The following LPP variants were observed in gnomAD, a reference collection of about 807,000 sequenced individuals.
LPP encodes lipoma-preferred partner.
LPP carries 38 observed loss-of-function variants against 60.4 expected under a neutral mutation model. The ratio of observed to expected loss-of-function variants is 0.63; its 90% CI spans 0.49 to 0.83. LPP has a LOEUF of 0.83. Among genes scored for constraint, LPP ranks in the 40% least tolerant of loss-of-function variants. The probability of loss-of-function intolerance (pLI) is 0.00; values close to 1 mark genes in which losing one functional copy is unlikely to be tolerated. For synonymous variants in LPP, 328 were observed against 290.8 expected, an observed-to-expected ratio of 1.13 and a Z score of -1.30; for missense variants, 902 against 783.6, an observed-to-expected ratio of 1.15 and a Z score of -1.80.
At chr3:188,657,258 G>GTGTATATATATATATATATATATATATA (rs1553782707) in intron 7 of LPP, among the ~76,000 whole-genome samples, 4 of 89,834 alleles carry the variant, frequency 4.5e-5, no homozygotes, top group South Asian at 4.6e-4. Flanking sequence ...CTGTCAAGGT[G>GTGTATATATATATATATATATATATATA]TATATATATA....
chr3:188,555,529 T>C (rs1042910986), intron 6 of LPP, among the ~76,000 whole-genome samples: 1 of 152,016 alleles, frequency 6.6e-6, no homozygotes, highest in Non-Finnish European at 1.5e-5. Flanking sequence ...TATATTTCCA[T>C]TGCAGCCTCA....
At chr3:188,457,380 C>T (rs1038623766) in intron 4 of LPP, among the ~76,000 whole-genome samples, 1 of 152,168 alleles carries the variant, frequency 6.6e-6, no homozygotes, top group African/African-American at 2.4e-5. Flanking sequence ...TATTGAGATA[C>T]TGGGACATCT....
intron 9 of LPP, among the ~76,000 whole-genome samples, chr3:188,840,471 A>G (rs961775133): frequency 1.3e-5 from 2 of 152,090 alleles, no homozygotes; most frequent in Non-Finnish European, 1.5e-5. Flanking sequence ...CTTCTACCAT[A>G]TTGTTTAGCT....
chr3:188,821,493 C>T (rs1053888023), intron 9 of LPP, among the ~76,000 whole-genome samples: 11 of 151,650 alleles, frequency 7.3e-5, no homozygotes, highest in African/African-American at 2.7e-4. Flanking sequence ...TCAAAATCAC[C>T]TGTAAACCCA....
rs111951258 is a variant in LPP at position 188,301,340 on chromosome 3, A to T, written c.-66-40323A>T. ...ACAGGGGCCAAAGGCCATGGGGACCAGAAAGTGGAAATAACCAGAGCTCGG... is the reference window on the plus strand; with the variant it reads ...ACAGGGGCCAAAGGCCATGGGGACCTGAAAGTGGAAATAACCAGAGCTCGG... On this transcript the variant is annotated intron_variant, in intron 2 of 11. Transcript: ENST00000617246. 4.7e-3 allele frequency among the ~76,000 whole-genome samples: 719 copies of T among 152,368 alleles called. 4 individuals are homozygous for T. Among genetic ancestry groups the T allele is most frequent in the African/African-American group, 0.016 (675 of 41,594 alleles).
chr3:188,382,423 G>A (rs1304870949), intron 3 of LPP, among the ~76,000 whole-genome samples: 2 of 152,174 alleles, frequency 1.3e-5, no homozygotes, highest in African/African-American at 4.8e-5. Flanking sequence ...TTAATAAAAT[G>A]AGATTAATAA....
At chr3:188,446,220 A>G (rs1795197241) in intron 4 of LPP, among the ~76,000 whole-genome samples, 1 of 152,200 alleles carries the variant, frequency 6.6e-6, no homozygotes, top group Admixed American at 6.5e-5. Context: ...CATCATTTTA[A>G]GTGAGCATGA....
At chr3:188,762,698 AC>A (rs1732788097) in intron 9 of LPP, among the ~76,000 whole-genome samples, 1 of 151,980 alleles carries the variant, frequency 6.6e-6, no homozygotes, top group Non-Finnish European at 1.5e-5. Context: ...GAGAAGGAAA[AC>A]TATCCGGGAG....
intron 4 of LPP, among the ~76,000 whole-genome samples, chr3:188,451,874 T>C (rs1279234251): frequency 3.9e-5 from 6 of 152,212 alleles, no homozygotes; most frequent in African/African-American, 1.4e-4. Flanking sequence ...TGAGGACTTT[T>C]ATTCATTTAT....
chr3:188,294,728 G>A (rs918103233), intron 2 of LPP, among the ~76,000 whole-genome samples: 1 of 152,194 alleles, frequency 6.6e-6, no homozygotes, highest in African/African-American at 2.4e-5. Context: ...AGAAATGTGT[G>A]ATTATGTTGA....
At chr3:188,275,687 T>TG in intron 2 of LPP, among the ~76,000 whole-genome samples, 1 of 151,788 alleles carries the variant, frequency 6.6e-6, no homozygotes, top group Admixed American at 6.6e-5. Flanking sequence ...CCAGGAACTT[T>TG]TTTTTTCTTT....
chr3:188,559,683 T>A (rs1322984488), intron 6 of LPP, among the ~76,000 whole-genome samples: 1 of 152,064 alleles, frequency 6.6e-6, no homozygotes, highest in Non-Finnish European at 1.5e-5. Flanking sequence ...CCTCCAGTTA[T>A]ATTTATATTT....
intron 6 of LPP, among the ~76,000 whole-genome samples, chr3:188,591,847 C>A (rs780497189): frequency 1.3e-5 from 2 of 152,140 alleles, no homozygotes; most frequent in African/African-American, 2.4e-5. Context: ...CTTGAGACAA[C>A]AAGGCTTTTT....
rs147077593 is a variant in LPP at position 188,306,135 on chromosome 3, C to T, written c.-66-35528C>T. Among the ~76,000 whole-genome samples, 1,019 of 152,188 alleles carry T rather than the reference C, an allele frequency of 6.7e-3. 15 individuals carry two copies. The highest frequency in any genetic ancestry group is 0.024 in the African/African-American group (991 of 41,508). Reference sequence around the variant, plus strand: ...TCACTCTTTCACCTAGGTTGGAGTGCAGTGGCGTGATCTCGGTTTACTGCA... The same window carrying T: ...TCACTCTTTCACCTAGGTTGGAGTGTAGTGGCGTGATCTCGGTTTACTGCA... On this transcript the variant is annotated intron_variant, in intron 2 of 11. Coordinates refer to ENST00000617246, the MANE Select transcript of LPP (RefSeq NM_001375462.1).
intron 8 of LPP, among the ~76,000 whole-genome samples, chr3:188,753,582 T>TGC (rs1475489428): frequency 2.5e-5 from 3 of 120,342 alleles, no homozygotes; most frequent in Admixed American, 7.9e-5. Context: ...GTTGTGTGCG[T>TGC]GTGTGTGTGT....
rs1156924344 is a variant in LPP at position 188,352,111 on chromosome 3, C to T, written c.-10+10392C>T. On this transcript the variant is annotated intron_variant, in intron 3 of 11. Coordinates refer to ENST00000617246, the MANE Select transcript of LPP (RefSeq NM_001375462.1). This position sits in a 1 kb window ranked among gnomAD's most constrained non-coding sequence, Gnocchi z 4.4. Reference sequence around the variant, plus strand: ...CCCCTTCCTCCTTCTCCTGACTTAACCTTGGGTGGCCGCAGGTCTTAAGGC... The same window carrying T: ...CCCCTTCCTCCTTCTCCTGACTTAATCTTGGGTGGCCGCAGGTCTTAAGGC... Among the ~76,000 whole-genome samples, 1 of 152,144 alleles carries T rather than the reference C, an allele frequency of 6.6e-6. No homozygotes were observed. Among genetic ancestry groups the T allele is most frequent in the Non-Finnish European group, 1.5e-5 (1 of 68,020 alleles).
At position 188,546,696 on chromosome 3, in the gene LPP, G is replaced by A. The variant is rs1457713152; in HGVS notation, c.429+21909G>A. On this transcript the variant is annotated intron_variant, in intron 6 of 11. Coordinates refer to ENST00000617246, the MANE Select transcript of LPP (RefSeq NM_001375462.1). ...ATGAAATTCAGGGGCATCTATTCTC[G>A]TTCCACAAAAGTTTAGCTATCTGGT... Among the ~76,000 whole-genome samples the A allele has an allele frequency of 5.9e-5, 9 of 152,100 alleles. No individual in the cohort carries two copies. In the East Asian group the frequency reaches 9.6e-4, roughly 16 times the overall value.
chr3:188,470,281 TACAC>T (rs59656753), intron 4 of LPP, among the ~76,000 whole-genome samples: 1,858 of 126,816 alleles, frequency 0.015, 23 homozygotes, highest in African/African-American at 0.04. Flanking sequence ...CTCTCTCTCA[TACAC>T]ACACACACAC....
chr3:188,362,922 A>G (rs371400293), intron 3 of LPP, among the ~76,000 whole-genome samples: 1 of 152,196 alleles, frequency 6.6e-6, no homozygotes, highest in Non-Finnish European at 1.5e-5. Flanking sequence ...AGACAGTTTC[A>G]CCATCCACCA....
Sources: gnomAD v4.1 joint callset for allele counts (sites outside exome capture counted in the v4.1 genomes callset) on GRCh38, gnomAD v4.1.1 for gene constraint, Gnocchi (gnomAD v3.1) non-coding constraint, MANE v1.5 for transcripts, NCBI Gene and HGNC (gene_info 2026-07-23, HGNC 2026-07-21) for gene names.